The following USH2A variants were observed in gnomAD, a reference collection of about 807,000 sequenced individuals.
USH2A encodes the protein Usher syndrome 2A (autosomal recessive, mild).
A neutral mutation model predicts 538.9 loss-of-function variants in USH2A; 443 were observed. That is an observed-to-expected ratio of 0.82 (90% confidence interval 0.76 to 0.89). The LOEUF is 0.89. Ranked by LOEUF, USH2A falls within the 40% of genes least tolerant of loss-of-function variation. The probability of loss-of-function intolerance (pLI) is 0.00; values close to 1 mark genes in which losing one functional copy is unlikely to be tolerated. For missense variants in USH2A, 6,633 were observed against 6,324.8 expected, an observed-to-expected ratio of 1.05 and a Z score of -1.65; for synonymous variants, 2,413 against 2,273.5, an observed-to-expected ratio of 1.06 and a Z score of -1.75.
At chr1:216,293,436 T>C (rs551741927) in intron 9 of USH2A, among the ~76,000 whole-genome samples, 21 of 152,356 alleles carry the variant, frequency 1.4e-4, no homozygotes, top group African/African-American at 5.0e-4. Context: ...AGAATTCCTC[T>C]AATGTGAAGT....
In USH2A at chr1:215,867,178, G is replaced by A. The variant is rs1194081342; in HGVS notation, c.8682-8C>T. On this transcript the variant is annotated splice_region_variant and splice_polypyrimidine_tract_variant and intron_variant, in intron 43 of 71. Transcript: ENST00000307340. ...TATTCATAGGTTGTAAACCTAAAAT[G>A]TTGTTTTGTTAAAAAAAGTATATGA... 1.9e-6 allele frequency: 3 copies of A among 1,613,194 alleles called. No homozygotes were observed. Among genetic ancestry groups the A allele is most frequent in the African/African-American group, 2.7e-5 (2 of 74,894 alleles).
chr1:216,118,879 G>T (rs926037436), intron 21 of USH2A, among the ~76,000 whole-genome samples: 2 of 152,176 alleles, frequency 1.3e-5, no homozygotes, highest in African/African-American at 4.8e-5. Context: ...TCCATGTACA[G>T]TCTTAAACTC....
intron 3 of USH2A, among the ~76,000 whole-genome samples, chr1:216,385,778 T>C (rs537357291): frequency 3.8e-4 from 58 of 152,336 alleles, no homozygotes; most frequent in African/African-American, 1.3e-3. Flanking sequence ...ACTACGCTCT[T>C]GCATAAAACC....
intron 21 of USH2A, among the ~76,000 whole-genome samples, chr1:216,130,565 T>C (rs1242429304): frequency 6.9e-6 from 1 of 144,132 alleles, no homozygotes; most frequent in Non-Finnish European, 1.5e-5. Flanking sequence ...ATATATTATA[T>C]ATAATATATA....
chr1:215,824,727 C>T (rs775501789), intron 47 of USH2A, among the ~76,000 whole-genome samples: 1 of 152,172 alleles, frequency 6.6e-6, no homozygotes, highest in Non-Finnish European at 1.5e-5. Context: ...TGGGTTGAGG[C>T]AGGTAAAGGT....
chr1:215,655,857 T>G (rs1284547915), intron 64 of USH2A, among the ~76,000 whole-genome samples: 1 of 148,006 alleles, frequency 6.8e-6, no homozygotes, highest in Non-Finnish European at 1.5e-5. Context: ...TGCCTTAGCC[T>G]CCTGAGTAGC....
intron 13 of USH2A, among the ~76,000 whole-genome samples, chr1:216,234,260 A>G (rs1270406670): frequency 1.3e-5 from 2 of 152,138 alleles, no homozygotes; most frequent in African/African-American, 4.8e-5. Context: ...TGTCTTACAA[A>G]GTTTCAAGGG....
intron 32 of USH2A, among the ~76,000 whole-genome samples, chr1:216,010,125 G>C (rs11120712): frequency 6.6e-6 from 1 of 151,868 alleles, no homozygotes; most frequent in South Asian, 2.1e-4. Context: ...AATTAACCTC[G>C]CCTTCAAGGT....
chr1:215,992,969 T>G, intron 35 of USH2A, 51 bp downstream of exon 35: 1 of 1,612,922 alleles, frequency 6.2e-7, no homozygotes, highest in Non-Finnish European at 8.5e-7. Context: ...AGAATATTAA[T>G]TTACCTTTGC....
rs72739272 is a variant in USH2A at position 215,663,370 on chromosome 1, T to C, written c.14133+7602A>G. On this transcript the variant is annotated intron_variant, in intron 64 of 71. Transcript: ENST00000307340. ...TTTTTAAATGAGAAAGGTGAAGTTA[T>C]CAGAAATTAAGTATCTTTCTTGCAC... is the stretch of plus-strand genomic sequence containing the variant. Among the ~76,000 whole-genome samples the C allele has an allele frequency of 6.6e-3, 1,008 of 152,324 alleles. 10 individuals carry two copies. Among genetic ancestry groups the C allele is most frequent in the Non-Finnish European group, 9.7e-3 (663 of 68,026 alleles).
At chr1:216,046,687 A>G (rs554508130) in intron 31 of USH2A, 95 bp from the exon 32 acceptor site, 1 of 1,424,592 alleles carries the variant, frequency 7.0e-7, no homozygotes, top group African/African-American at 1.4e-5. Flanking sequence ...ATAAACCTGA[A>G]ATCCCATGCA....
intron 9 of USH2A, among the ~76,000 whole-genome samples, chr1:216,309,480 T>G (rs2037381841): frequency 6.6e-6 from 1 of 152,184 alleles, no homozygotes; most frequent in Admixed American, 6.5e-5. Flanking sequence ...TGATTGTTTA[T>G]TTATTTGGAA....
At chr1:215,871,126 GT>G (rs1664615659) in intron 43 of USH2A, among the ~76,000 whole-genome samples, 1 of 152,108 alleles carries the variant, frequency 6.6e-6, no homozygotes, top group African/African-American at 2.4e-5. Context: ...TATTACAATA[GT>G]TTTTCCCCCA....
chr1:216,220,436 T>A (rs1054887639), intron 14 of USH2A, among the ~76,000 whole-genome samples: 1 of 149,630 alleles, frequency 6.7e-6, no homozygotes, highest in South Asian at 2.2e-4. Context: ...TAAAGATGTA[T>A]CCAGACTCTA....
intron 30 of USH2A, among the ~76,000 whole-genome samples, chr1:216,064,758 G>A (rs2031295939): frequency 6.6e-6 from 1 of 152,140 alleles, no homozygotes; most frequent in South Asian, 2.1e-4. Flanking sequence ...AACATGCTGT[G>A]CAGGTTTGCA....
Position 216,247,146 on chromosome 1 carries a change from T to C in USH2A, c.2248A>G (p.Asn750Asp). The C allele has an allele frequency of 6.2e-7, 1 of 1,614,044 alleles. No individual in the cohort carries two copies. Residue 750 changes from asparagine (N) to aspartate (D), a missense_variant, in exon 13 of 72, where the codon AAC becomes GAC. Asn to Asp is a conservative substitution (Grantham distance 23). Coordinates refer to ENST00000307340, the MANE Select transcript of USH2A (RefSeq NM_206933.4). ...NDVGCEPCQC[N>D]LHGSVNKFCN... ...AATTTGTTCACTGAGCCATGGAGGT[T>C]ACACTGGCAGGGCTCACATCCAACA...
chr1:216,193,893 A>G (rs527237026), intron 19 of USH2A, among the ~76,000 whole-genome samples: 1 of 152,228 alleles, frequency 6.6e-6, no homozygotes, highest in South Asian at 2.1e-4. Context: ...TAGGGTACAA[A>G]GGTCTGACTT....
chr1:215,693,303 C>A (rs1057006573), intron 61 of USH2A, among the ~76,000 whole-genome samples: 3 of 151,812 alleles, frequency 2.0e-5, no homozygotes, highest in Admixed American at 6.6e-5. Flanking sequence ...TCTTGTCTAT[C>A]CTTCCTAAGG....
chr1:215,854,939 A>T (rs1456032186), intron 44 of USH2A, among the ~76,000 whole-genome samples: 1 of 152,186 alleles, frequency 6.6e-6, no homozygotes, highest in Non-Finnish European at 1.5e-5. Flanking sequence ...GCATTCATCC[A>T]TGCAAGCTTC....
Sources: allele counts gnomAD v4.1 joint callset (sites outside exome capture counted in the v4.1 genomes callset), GRCh38; gene constraint gnomAD v4.1.1; transcripts MANE v1.5; gene names NCBI Gene and HGNC (gene_info 2026-07-23, HGNC 2026-07-21).